MALT1: variants seen among roughly 807,000 people sequenced by gnomAD.
MALT1 encodes the protein MALT1 paracaspase.
In MALT1, 36 loss-of-function variants were observed where a neutral mutation model predicts 85.5. The ratio of observed to expected loss-of-function variants is 0.42; its 90% CI spans 0.32 to 0.56. The LOEUF is 0.56. MALT1 is among the 20% of genes least tolerant of loss of function. The pLI is 0.10. For missense variants in MALT1, 716 were observed against 981.6 expected, an observed-to-expected ratio of 0.73 and a Z score of 3.62; for synonymous variants, 359 against 361.3, an observed-to-expected ratio of 0.99 and a Z score of 0.07.
intron 1 of MALT1, among the ~76,000 whole-genome samples, chr18:58,680,252 G>A (rs944653102): frequency 2.6e-5 from 4 of 152,068 alleles, no homozygotes; most frequent in Non-Finnish European, 5.9e-5. Context: ...TTTTTCATAT[G>A]AATACACACA....
intron 1 of MALT1, chr18:58,672,101 C>G (rs1019648492): frequency 9.0e-6 from 3 of 332,052 alleles, no homozygotes; most frequent in African/African-American, 6.5e-5. Context: ...GCCTCGCTCC[C>G]TGTTCCCACC....
intron 4 of MALT1, among the ~76,000 whole-genome samples, chr18:58,706,071 T>A (rs566400115): frequency 6.6e-6 from 1 of 152,286 alleles, no homozygotes; most frequent in South Asian, 2.1e-4. Flanking sequence ...CTGCAAGCTC[T>A]GCCTCCTGAG....
At chr18:58,713,121 CA>C (rs2054853822) in intron 7 of MALT1, among the ~76,000 whole-genome samples, 5 of 152,074 alleles carry the variant, frequency 3.3e-5, no homozygotes, top group African/African-American at 1.2e-4. Flanking sequence ...TTGCACATAA[CA>C]CATGTGCTGA....
At chr18:58,733,346 G>A in intron 10 of MALT1, 51 bp from the exon 11 acceptor site, 1 of 1,208,582 alleles carries the variant, frequency 8.3e-7, no homozygotes, top group Non-Finnish European at 1.2e-6. Flanking sequence ...TGTATGTTCA[G>A]AGTGCATTTA....
At chr18:58,681,136 A>G in intron 1 of MALT1, 34 bp from the exon 2 acceptor site, 1 of 1,605,012 alleles carries the variant, frequency 6.2e-7, no homozygotes, top group Non-Finnish European at 8.5e-7. Context: ...TGTGGAAGAA[A>G]GCTGTTGACT....
Position 58,671,503 on chromosome 18 carries a change from T to C in MALT1, c.-141T>C, listed in dbSNP as rs997248334. The C allele has an allele frequency of 1.5e-5, 7 of 480,080 alleles. No individual in the cohort carries two copies. Among genetic ancestry groups the C allele is most frequent in the Non-Finnish European group, 2.3e-5 (7 of 310,270 alleles). 29.7% of individuals were successfully genotyped at this position (480,080 alleles called of 1,614,324 possible). ...TGGGGCGGGGAGCGGAGCTTCCTCC[T>C]CTGAGGGCCGTGCCGCGCTGCCAGA... On this transcript the variant is annotated 5_prime_UTR_variant, in exon 1 of 17. Transcript: ENST00000649217.
At position 58,753,807 on chromosome 18, in the gene MALT1, CTT is replaced by C. The variant is rs575211856; in HGVS notation, c.*5968_*5969del. 6.6e-4 allele frequency: 100 copies of C among 152,252 alleles called. No homozygotes were observed. Among genetic ancestry groups the C allele is most frequent in the African/African-American group, 1.9e-3 (79 of 41,532 alleles). The allele number at this position is 152,252 out of a possible 1,614,324, so 9.4% of individuals were successfully genotyped here. A position where few individuals can be genotyped will look rare whatever the true frequency, so the allele number is the denominator to read the frequency against. Reference sequence around the variant, plus strand: ...AATACATTTAAGAACACATTTTTAACTTTTCGTAAGGAGTCTTCAGTTTAAAA... The same window carrying C: ...AATACATTTAAGAACACATTTTTAACTTCGTAAGGAGTCTTCAGTTTAAAA... On this transcript the variant is annotated 3_prime_UTR_variant, in exon 17 of 17. Coordinates refer to ENST00000649217, the MANE Select transcript of MALT1 (RefSeq NM_006785.4).
chr18:58,747,635 A>G lies in MALT1; in HGVS notation c.2268A>G (p.Pro756=). ...GAGHYHSLQD[P]FHGVYHSHPG... ...GGCATTATCACTCATTGCAAGACCC[A>G]TTCCATGGTGTTTACCATTCACATC... is the stretch of plus-strand genomic sequence containing the variant. Residue 756 remains proline, a synonymous_variant, in exon 17 of 17, where the codon CCA becomes CCG. Transcript: ENST00000649217. The G allele has an allele frequency of 3.1e-6, 5 of 1,614,212 alleles. No individual in the cohort carries two copies. Among genetic ancestry groups the G allele is most frequent in the Non-Finnish European group, 4.2e-6 (5 of 1,180,022 alleles).
intron 1 of MALT1, among the ~76,000 whole-genome samples, chr18:58,680,767 C>T (rs1195472297): frequency 6.6e-6 from 1 of 151,502 alleles, no homozygotes; most frequent in South Asian, 2.1e-4. Flanking sequence ...ACTAAAAATA[C>T]AAAAAATTAG....
At chr18:58,723,291 A>G (rs776929604) in intron 10 of MALT1, 40 bp downstream of exon 10, 1 of 1,449,840 alleles carries the variant, frequency 6.9e-7, no homozygotes, top group Non-Finnish European at 9.6e-7. Context: ...ATTATCCATT[A>G]TTCTTTTCAT....
intron 9 of MALT1, 66 bp downstream of exon 9, chr18:58,716,033 A>G (rs2054894633): frequency 6.8e-6 from 8 of 1,183,856 alleles, no homozygotes; most frequent in Non-Finnish European, 1.2e-6. Flanking sequence ...AAGGAATTTA[A>G]GACATTTTAA....
At chr18:58,703,135 G>A (rs1193641186) in intron 4 of MALT1, among the ~76,000 whole-genome samples, 1 of 152,180 alleles carries the variant, frequency 6.6e-6, no homozygotes, top group Non-Finnish European at 1.5e-5. Flanking sequence ...GAGGCAGGCA[G>A]ATCACGAGGT....
intron 13 of MALT1, among the ~76,000 whole-genome samples, chr18:58,738,337 C>T (rs537618859): frequency 9.9e-5 from 15 of 152,162 alleles, no homozygotes; most frequent in East Asian, 3.9e-4. Context: ...TTAACTGCTA[C>T]GTAATATTCT....
chr18:58,679,030 G>C (rs943498002), intron 1 of MALT1, among the ~76,000 whole-genome samples: 1 of 152,172 alleles, frequency 6.6e-6, no homozygotes, highest in African/African-American at 2.4e-5. Flanking sequence ...GTTTCTTTGG[G>C]AAAGTTTTTC....
intron 1 of MALT1, among the ~76,000 whole-genome samples, chr18:58,674,606 G>A (rs2054213600): frequency 6.6e-6 from 1 of 152,216 alleles, no homozygotes; most frequent in Admixed American, 6.5e-5. Flanking sequence ...GGACAGTGAA[G>A]CAAGGTCAGC....
intron 7 of MALT1, among the ~76,000 whole-genome samples, chr18:58,711,769 T>C (rs1325547285): frequency 6.6e-6 from 1 of 152,208 alleles, no homozygotes; most frequent in East Asian, 1.9e-4. Flanking sequence ...TATTTTCTGA[T>C]TTTCCTGTCC....
At chr18:58,713,925 T>G (rs759006050) in intron 7 of MALT1, among the ~76,000 whole-genome samples, 158 bp from the exon 8 acceptor site, 2 of 152,196 alleles carry the variant, frequency 1.3e-5, no homozygotes, top group Non-Finnish European at 2.9e-5. Context: ...TCTTTGCTAT[T>G]CAGTATTTGC....
At chr18:58,673,816 G>A (rs1949676098) in intron 1 of MALT1, among the ~76,000 whole-genome samples, 1 of 152,174 alleles carries the variant, frequency 6.6e-6, no homozygotes, top group South Asian at 2.1e-4. Context: ...AAGGATAATA[G>A]TGACTTGGGA....
At chr18:58,718,592 C>G (rs1224377594) in intron 9 of MALT1, among the ~76,000 whole-genome samples, 1 of 152,148 alleles carries the variant, frequency 6.6e-6, no homozygotes, top group Non-Finnish European at 1.5e-5. Flanking sequence ...TGACACCGTC[C>G]ATGGAAAAAT....
Sources: gnomAD v4.1 joint callset for allele counts (sites outside exome capture counted in the v4.1 genomes callset) on GRCh38, gnomAD v4.1.1 for gene constraint, MANE v1.5 for transcripts, NCBI Gene and HGNC (gene_info 2026-07-23, HGNC 2026-07-21) for gene names.